The following PRELID2 variants were observed in gnomAD, a reference collection of about 807,000 sequenced individuals.
The protein encoded by PRELID2 is PRELI domain-containing protein 2.
Under a neutral mutation model 28.4 loss-of-function variants are expected in PRELID2, and 25 were observed. That is an observed-to-expected ratio of 0.88 (90% CI 0.64 to 1.23). The LOEUF (loss-of-function observed/expected upper bound fraction) is 1.23. Among genes scored for constraint, PRELID2 ranks in the 50% most tolerant of loss-of-function variants. The probability of loss-of-function intolerance (pLI) is 0.00; values close to 1 mark genes in which losing one functional copy is unlikely to be tolerated. For missense variants in PRELID2, 201 were observed against 214.4 expected (o/e 0.94, Z 0.39); for synonymous variants, 76 against 71.6 (o/e 1.06, Z -0.31).
chr5:145,378,823 T>C, the PRELID2 span, among the ~76,000 whole-genome samples: 2 of 152,204 alleles, frequency 1.3e-5, no homozygotes, highest in Non-Finnish European at 2.9e-5. Flanking sequence ...GAACCCTTGC[T>C]AGAGAGGTGA....
intron 1 of PRELID2, among the ~76,000 whole-genome samples, chr5:145,564,995 C>A (rs1470300078): frequency 6.6e-6 from 1 of 152,204 alleles, no homozygotes; most frequent in Non-Finnish European, 1.5e-5. Flanking sequence ...ACTGTCTAAC[C>A]AGTCCTAATG....
At chr5:145,665,160 G>A (rs1754563438) in intron 1 of PRELID2, among the ~76,000 whole-genome samples, 1 of 152,038 alleles carries the variant, frequency 6.6e-6, no homozygotes, top group Non-Finnish European at 1.5e-5. Flanking sequence ...AAAAAAAGAA[G>A]AGTTTTAACT....
chr5:145,741,965 A>G (rs1297862611), intron 1 of PRELID2, among the ~76,000 whole-genome samples: 1 of 68,796 alleles, frequency 1.5e-5, no homozygotes, highest in African/African-American at 5.1e-5. Flanking sequence ...TAATTAAATA[A>G]ATAAATTTAT....
chr5:145,295,326 G>T, the PRELID2 span, among the ~76,000 whole-genome samples: 1 of 152,054 alleles, frequency 6.6e-6, no homozygotes, highest in Non-Finnish European at 1.5e-5. Flanking sequence ...AAAAAAAGAA[G>T]AATCATGGTA....
the PRELID2 span, among the ~76,000 whole-genome samples, chr5:145,233,918 T>C: frequency 6.6e-6 from 1 of 152,194 alleles, no homozygotes; most frequent in African/African-American, 2.4e-5. Context: ...GGGATCTGAA[T>C]AGGACAGGGG....
At chr5:145,339,420 T>C in the PRELID2 span, among the ~76,000 whole-genome samples, 2 of 152,108 alleles carry the variant, frequency 1.3e-5, no homozygotes, top group African/African-American at 4.8e-5. Flanking sequence ...GTGTTAGCTA[T>C]GAGAGAACCC....
At chr5:145,346,002 A>G in the PRELID2 span, among the ~76,000 whole-genome samples, 6 of 152,110 alleles carry the variant, frequency 3.9e-5, no homozygotes. Flanking sequence ...TGCTGGTCCT[A>G]GGCTTGTGTA....
At chr5:145,392,090 C>CA in the PRELID2 span, among the ~76,000 whole-genome samples, 3 of 152,114 alleles carry the variant, frequency 2.0e-5, no homozygotes, top group African/African-American at 7.2e-5. Context: ...AAGTTGCTTC[C>CA]ACATTTTCAG....
chr5:145,652,061 G>C (rs549055288), intron 1 of PRELID2, among the ~76,000 whole-genome samples: 2 of 152,310 alleles, frequency 1.3e-5, no homozygotes, highest in South Asian at 2.1e-4. Flanking sequence ...GTCCTTAAAA[G>C]ACCTGATGGA....
the PRELID2 span, among the ~76,000 whole-genome samples, chr5:145,461,358 A>G: frequency 6.7e-6 from 1 of 150,228 alleles, no homozygotes; most frequent in African/African-American, 2.5e-5. Flanking sequence ...TGGGGGGTGC[A>G]GTGGCATGAT....
chr5:145,533,123 C>T (rs1752668371), intron 1 of PRELID2, among the ~76,000 whole-genome samples: 1 of 152,046 alleles, frequency 6.6e-6, no homozygotes, highest in Non-Finnish European at 1.5e-5. Flanking sequence ...TATGTTATTA[C>T]TATTATCCTT....
intron 1 of PRELID2, among the ~76,000 whole-genome samples, chr5:145,732,154 G>A (rs1303505063): frequency 6.6e-6 from 1 of 152,168 alleles, no homozygotes; most frequent in Non-Finnish European, 1.5e-5. Flanking sequence ...TTATGTCACT[G>A]TAGAATTCCA....
the PRELID2 span, among the ~76,000 whole-genome samples, chr5:145,319,278 G>A: frequency 1.3e-5 from 2 of 152,104 alleles, no homozygotes; most frequent in Non-Finnish European, 2.9e-5. Flanking sequence ...TAAAAGGATG[G>A]GAATTTCCCT....
At chr5:145,422,052 A>T in the PRELID2 span, among the ~76,000 whole-genome samples, 3 of 139,582 alleles carry the variant, frequency 2.1e-5, no homozygotes, top group Admixed American at 7.5e-5. Flanking sequence ...TTTGAGTGAG[A>T]TTCTTAATCC....
chr5:145,521,184 T>C (rs987602643), intron 1 of PRELID2, among the ~76,000 whole-genome samples: 1 of 152,180 alleles, frequency 6.6e-6, no homozygotes, highest in Non-Finnish European at 1.5e-5. Context: ...ATCCTAGTCA[T>C]TCTTTTGTGG....
At chr5:145,350,374 A>G in the PRELID2 span, among the ~76,000 whole-genome samples, 1 of 152,190 alleles carries the variant, frequency 6.6e-6, no homozygotes, top group Non-Finnish European at 1.5e-5. Context: ...TTAGGCAGGT[A>G]AGAGACAAGA....
intron 1 of PRELID2, among the ~76,000 whole-genome samples, chr5:145,519,566 A>G (rs1390878921): frequency 2.6e-5 from 4 of 152,190 alleles, no homozygotes; most frequent in African/African-American, 9.7e-5. Flanking sequence ...AAAGCCATAC[A>G]GTTGCTTCCG....
the PRELID2 span, among the ~76,000 whole-genome samples, chr5:145,349,268 CT>C: frequency 1.3e-5 from 2 of 152,048 alleles, no homozygotes; most frequent in Non-Finnish European, 2.9e-5. Flanking sequence ...AAGTAAATGT[CT>C]TCTAAAGAAT....
In PRELID2 at chr5:145,758,513, C is replaced by T. The variant is rs1282912602; in HGVS notation, c.*2023G>A. ...AGAAGCAACCCAGGCATCAGAATTG[C>T]AGAAAGCTCCCCAAGCAATCCTAAC... On this transcript the variant is annotated 3_prime_UTR_variant, in exon 7 of 7. Transcript: ENST00000683046. 6.6e-6 allele frequency among the ~76,000 whole-genome samples: 1 copy of T among 152,108 alleles called. No individual in the cohort carries two copies. The highest frequency in any genetic ancestry group is 2.4e-5 in the African/African-American group (1 of 41,414).
Sources: gnomAD v4.1 joint callset for allele counts (sites outside exome capture counted in the v4.1 genomes callset) on GRCh38, gnomAD v4.1.1 for gene constraint, MANE v1.5 for transcripts, NCBI Gene and HGNC (gene_info 2026-07-23, HGNC 2026-07-21) for gene names.